Variants in BTBD9 observed in about 807,000 individuals in gnomAD.
BTBD9 encodes the protein BTB domain containing 9.
In BTBD9, 49 loss-of-function variants were observed where a neutral mutation model predicts 64.3. The observed-to-expected ratio is 0.76, with a 90% CI of 0.61 to 0.97. BTBD9 has a LOEUF of 0.97. Ranked by LOEUF, BTBD9 falls within the 50% of genes least tolerant of loss-of-function variation. BTBD9 has a pLI of 0.00. For synonymous variants in BTBD9, 260 were observed against 274.7 expected (o/e 0.95, Z 0.53); for missense variants, 598 against 762.1 (o/e 0.78, Z 2.53).
At chr6:38,246,966 T>G (rs1299929933) in intron 9 of BTBD9, among the ~76,000 whole-genome samples, 7 of 152,240 alleles carry the variant, frequency 4.6e-5, no homozygotes, top group African/African-American at 7.2e-5. Flanking sequence ...CTTTATATCC[T>G]GCTTTCTTTC....
chr6:38,584,189 G>C (rs1029242784), intron 4 of BTBD9, among the ~76,000 whole-genome samples: 1 of 152,002 alleles, frequency 6.6e-6, no homozygotes, highest in Non-Finnish European at 1.5e-5. Context: ...TTAGCTGAGC[G>C]TGGTAGTACA....
At chr6:38,258,408 T>C (rs1764676280) in intron 8 of BTBD9, among the ~76,000 whole-genome samples, 1 of 152,240 alleles carries the variant, frequency 6.6e-6, no homozygotes, top group South Asian at 2.1e-4. Context: ...GTCCTTCCCA[T>C]ACAAACTATG....
At chr6:38,482,641 CTA>C (rs1771209869) in intron 6 of BTBD9, 1 of 152,124 alleles carries the variant, frequency 6.6e-6, no homozygotes, top group African/African-American at 2.4e-5. Context: ...AAACACTGAG[CTA>C]TGTCTGGAGA....
chr6:38,627,706 C>T (rs2127529568), intron 1 of BTBD9, among the ~76,000 whole-genome samples: 1 of 152,198 alleles, frequency 6.6e-6, no homozygotes. Context: ...AAATTTTGTA[C>T]CATTTTTATA....
chr6:38,428,430 T>C (rs571524431), intron 6 of BTBD9, among the ~76,000 whole-genome samples: 57 of 151,598 alleles, frequency 3.8e-4, no homozygotes, highest in African/African-American at 1.2e-3. Context: ...ACGTTCTCTG[T>C]TGCCCAGGCT....
chr6:38,591,853 T>C (rs1215427156), intron 4 of BTBD9, among the ~76,000 whole-genome samples: 1 of 152,178 alleles, frequency 6.6e-6, no homozygotes, highest in African/African-American at 2.4e-5. Context: ...TATGTATGTA[T>C]GTTACATAAG....
chr6:38,481,259 A>G (rs1179513009), intron 6 of BTBD9, among the ~76,000 whole-genome samples: 1 of 152,176 alleles, frequency 6.6e-6, no homozygotes, highest in Non-Finnish European at 1.5e-5. Context: ...CTTCAAGGAG[A>G]CAACCATAGC....
intron 7 of BTBD9, among the ~76,000 whole-genome samples, chr6:38,344,129 G>T (rs923795355): frequency 6.6e-6 from 1 of 152,058 alleles, no homozygotes; most frequent in African/African-American, 2.4e-5. Context: ...TGCAATAAAG[G>T]GACAGAATCA....
intron 7 of BTBD9, among the ~76,000 whole-genome samples, chr6:38,315,039 G>A (rs576060567): frequency 3.2e-4 from 48 of 152,088 alleles, no homozygotes; most frequent in African/African-American, 1.1e-3. Flanking sequence ...TAGTAGAGAC[G>A]GGGTTTCACC....
chr6:38,299,006 C>T (rs1316021309), intron 7 of BTBD9, among the ~76,000 whole-genome samples: 3 of 152,118 alleles, frequency 2.0e-5, no homozygotes, highest in Non-Finnish European at 4.4e-5. Context: ...TCCCTCTCCC[C>T]ATCCCCCACC....
chr6:38,426,835 G>A (rs770127947), intron 6 of BTBD9, among the ~76,000 whole-genome samples: 2 of 151,770 alleles, frequency 1.3e-5, no homozygotes, highest in Non-Finnish European at 2.9e-5. Context: ...CAGAGAACAC[G>A]AGGCTTGCCA....
At chr6:38,509,705 G>A (rs1772694237) in intron 6 of BTBD9, among the ~76,000 whole-genome samples, 1 of 152,130 alleles carries the variant, frequency 6.6e-6, no homozygotes. Flanking sequence ...TGAACTCAGG[G>A]AAGAGGCACT....
At chr6:38,375,608 C>T (rs771697270) in intron 6 of BTBD9, among the ~76,000 whole-genome samples, 14 of 152,234 alleles carry the variant, frequency 9.2e-5, no homozygotes, top group South Asian at 2.1e-4. Context: ...ACAACAATAT[C>T]AGATCTTTTC....
In BTBD9 at chr6:38,394,964, G is replaced by A. The variant is rs1053894534; in HGVS notation, c.1155-49871C>T. ...CAGATGATATAACCAAAAAAGAGAGGGGAAAAAAAAAAGAAAAAAGAGACT... is the reference window on the plus strand; with the variant it reads ...CAGATGATATAACCAAAAAAGAGAGAGGAAAAAAAAAAGAAAAAAGAGACT... On this transcript the variant is annotated intron_variant, in intron 6 of 10. Coordinates refer to ENST00000481247, the MANE Select transcript of BTBD9 (RefSeq NM_001099272.2). 6.4e-5 allele frequency among the ~76,000 whole-genome samples: 8 copies of A among 124,276 alleles called. 1 individual carries two copies. The highest frequency in any genetic ancestry group is 2.6e-4 in the African/African-American group (7 of 26,782). The allele number at this position is 124,276 out of a possible 152,430, so 81.5% of individuals were successfully genotyped here.
chr6:38,202,076 GTTTTTTTTGTT>G (rs1762480684), intron 9 of BTBD9, among the ~76,000 whole-genome samples: 1 of 135,060 alleles, frequency 7.4e-6, no homozygotes, highest in East Asian at 2.6e-4. Context: ...CAAAAATGTC[GTTTTTTTTGTT>G]TTTTTTTTTT....
At chr6:38,465,300 C>A (rs1562223494) in intron 6 of BTBD9, among the ~76,000 whole-genome samples, 2 of 150,858 alleles carry the variant, frequency 1.3e-5, no homozygotes, top group African/African-American at 4.9e-5. Flanking sequence ...CGCAAAAAAA[C>A]AAAAAATCAA....
At chr6:38,601,109 A>C (rs1250978899) in intron 1 of BTBD9, among the ~76,000 whole-genome samples, 1 of 152,138 alleles carries the variant, frequency 6.6e-6, no homozygotes, top group Non-Finnish European at 1.5e-5. Context: ...ATTAGTCTAG[A>C]ATGGGGCCCA....
At chr6:38,263,137 C>T (rs986771661) in intron 8 of BTBD9, among the ~76,000 whole-genome samples, 10 of 152,188 alleles carry the variant, frequency 6.6e-5, no homozygotes, top group African/African-American at 2.4e-4. Context: ...GAAAGATACT[C>T]CTGATCTCAA....
intron 1 of BTBD9, 63 bp from the exon 2 acceptor site, chr6:38,598,184 A>G (rs1448456465): frequency 7.9e-7 from 1 of 1,258,032 alleles, no homozygotes; most frequent in African/African-American, 1.5e-5. Context: ...AAAATCACTT[A>G]CCATAAACAC....
Sources: gnomAD v4.1 joint callset for allele counts (sites outside exome capture counted in the v4.1 genomes callset) on GRCh38, gnomAD v4.1.1 for gene constraint, MANE v1.5 for transcripts, NCBI Gene and HGNC (gene_info 2026-07-23, HGNC 2026-07-21) for gene names.